Variants in ZNF763 observed in about 807,000 individuals in gnomAD.
ZNF763 encodes DNA-binding protein.
In ZNF763, 33 loss-of-function variants were observed where a neutral mutation model predicts 38.0. That is an observed-to-expected ratio of 0.87 (90% CI 0.66 to 1.16). The LOEUF is 1.16. ZNF763 is among the 50% of genes most tolerant of loss of function. The pLI is 0.00. For synonymous variants in ZNF763, 155 were observed against 160.1 expected (o/e 0.97, Z 0.24); for missense variants, 423 against 469.1 (o/e 0.90, Z 0.91).
Position 11,965,141 on chromosome 19 carries a change from CCT to C in ZNF763, c.-67_-66del. On this transcript the variant is annotated 5_prime_UTR_variant, in exon 1 of 4. Transcript: ENST00000358987. ...TACCCAGGTTTCTATCGCTCTGTCTCCTGCGCTGTGCCCTTCTGTAGTCACAG... is the reference window on the plus strand; with the variant it reads ...TACCCAGGTTTCTATCGCTCTGTCTCGCGCTGTGCCCTTCTGTAGTCACAG... 1 of 1,610,664 alleles carries C rather than the reference CCT, an allele frequency of 6.2e-7. No individual in the cohort carries two copies. The highest frequency in any genetic ancestry group is 8.5e-7 in the Non-Finnish European group (1 of 1,177,072).
intron 1 of ZNF763, among the ~76,000 whole-genome samples, chr19:11,971,294 G>T (rs1973346127): frequency 6.6e-6 from 1 of 152,142 alleles, no homozygotes; most frequent in South Asian, 2.1e-4. Context: ...TGGCTGTCCT[G>T]TGTCTTCCTA....
chr19:11,978,416 G>C lies in ZNF763; in HGVS notation c.492G>C (p.Arg164Ser). 6.2e-7 allele frequency: 1 copy of C among 1,614,150 alleles called. No individual in the cohort carries two copies. Among genetic ancestry groups the C allele is most frequent in the Non-Finnish European group, 8.5e-7 (1 of 1,180,014 alleles). ...ACCCCTCCTTTAGAACACAAGAAAG[G>C]AATCACACCGGAGAGAAACCCTATG... ...RYHPSFRTQE[R>S]NHTGEKPYAC... Residue 164 changes from arginine to serine, a missense_variant, in exon 4 of 4, where the codon AGG (arginine) becomes AGC (serine). Transcript: ENST00000358987.
Position 11,978,207 on chromosome 19 carries a change from C to G in ZNF763, c.283C>G (p.Gln95Glu), listed in dbSNP as rs1212335030. 1.2e-6 allele frequency: 2 copies of G among 1,613,720 alleles called. No individual in the cohort carries two copies. Among genetic ancestry groups the G allele is most frequent in the Non-Finnish European group, 1.7e-6 (2 of 1,179,942 alleles). ...TQVPDDRLNF[Q>E]EKKASPEAKS... is the part of the protein sequence containing the mutation. ...GGTTCCAGATGACAGGCTGAACTTC[C>G]AGGAGAAGAAAGCTTCTCCTGAAGC... The change falls in exon 4 of 4, where the codon CAG becomes GAG. Residue 95 changes from glutamine (Q) to glutamate (E), a missense_variant. Transcript: ENST00000358987.
Position 11,978,498 on chromosome 19 carries a change from G to C in ZNF763, c.574G>C (p.Val192Leu). ...ISHSGIRRRMVMHSGDGPYKC... is the reference protein window; with the variant it reads ...ISHSGIRRRMLMHSGDGPYKC... ...CCATTCAGGCATTCGAAGACGCATG[G>C]TAATGCACAGTGGGGATGGACCTTA... The change falls in exon 4 of 4, where the codon GTA becomes CTA. Residue 192 changes from valine to leucine, a missense_variant. Coordinates refer to ENST00000358987, the MANE Select transcript of ZNF763 (RefSeq NM_001367172.2). The C allele has an allele frequency of 6.2e-7, 1 of 1,614,196 alleles. No individual in the cohort carries two copies. Among genetic ancestry groups the C allele is most frequent in the Non-Finnish European group, 8.5e-7 (1 of 1,180,024 alleles).
intron 1 of ZNF763, among the ~76,000 whole-genome samples, chr19:11,972,062 CAA>C (rs541531526): frequency 2.8e-4 from 31 of 111,848 alleles, no homozygotes; most frequent in East Asian, 2.5e-4. Flanking sequence ...AACTTTGTCT[CAA>C]AAAAAAAAAA....
chr19:11,980,147 A>T lies in ZNF763; in HGVS notation c.*1038A>T. 1 of 728,628 alleles carries T rather than the reference A, an allele frequency of 1.4e-6. No individual in the cohort carries two copies. The highest frequency in any genetic ancestry group is 2.2e-6 in the Non-Finnish European group (1 of 448,068). 45.1% of individuals were successfully genotyped at this position (728,628 alleles called of 1,614,324 possible). Reference sequence around the variant, plus strand: ...TAGGACTCACACTGGATAGAAACCAAAGCAGGTGAATCACCTGAGGTCAGG... The same window carrying T: ...TAGGACTCACACTGGATAGAAACCATAGCAGGTGAATCACCTGAGGTCAGG... On this transcript the variant is annotated 3_prime_UTR_variant, in exon 4 of 4. Coordinates refer to ENST00000358987, the MANE Select transcript of ZNF763 (RefSeq NM_001367172.2).
chr19:11,976,417 A>C (rs1439208818), intron 1 of ZNF763, among the ~76,000 whole-genome samples: 1 of 151,888 alleles, frequency 6.6e-6, no homozygotes, highest in Non-Finnish European at 1.5e-5. Flanking sequence ...CCAGCCGAGC[A>C]TGGTGGCACA....
intron 1 of ZNF763, among the ~76,000 whole-genome samples, chr19:11,975,434 G>C (rs1371255531): frequency 6.7e-6 from 1 of 148,320 alleles, no homozygotes; most frequent in Admixed American, 6.8e-5. Flanking sequence ...GTCTTGCTCT[G>C]TCGCCCAGGC....
At chr19:11,967,406 C>T (rs564370271) in intron 1 of ZNF763, among the ~76,000 whole-genome samples, 66 of 152,182 alleles carry the variant, frequency 4.3e-4, no homozygotes, top group African/African-American at 1.5e-3. Context: ...GACCCTGTCT[C>T]TATTTTGTTT....
rs1227931940 is a variant in ZNF763, at chr19:11,979,613, G to A, written c.*504G>A. On this transcript the variant is annotated 3_prime_UTR_variant, in exon 4 of 4. Coordinates refer to ENST00000358987, the MANE Select transcript of ZNF763 (RefSeq NM_001367172.2). Reference sequence around the variant, plus strand: ...TTGGTACCATGAAAGGACTCACACTGGAGAGAAACCCTATGAGTGTAAGCA... The same window carrying A: ...TTGGTACCATGAAAGGACTCACACTAGAGAGAAACCCTATGAGTGTAAGCA... 1.5e-5 allele frequency: 24 copies of A among 1,605,684 alleles called. No homozygotes were observed. Among genetic ancestry groups the A allele is most frequent in the Non-Finnish European group, 2.0e-5 (24 of 1,173,900 alleles).
chr19:11,979,024 C>T lies in ZNF763; in HGVS notation c.1100C>T (p.Pro367Leu), dbSNP rs1455995533. Reference sequence around the variant, plus strand: ...GAAAGGACCCACTCTGCGAAAAAACCTTATGAATGTAAGCAGTGTGGGAAA... The same window carrying T: ...GAAAGGACCCACTCTGCGAAAAAACTTTATGAATGTAAGCAGTGTGGGAAA... ...RHERTHSAKK[P>L]YECKQCGKAL... The change falls in exon 4 of 4, where the codon CCT (proline) becomes CTT (leucine). Residue 367 changes from proline to leucine, a missense_variant. Physicochemically the swap from Pro to Leu is moderately conservative, Grantham distance 98 (BLOSUM62 -3). Coordinates refer to ENST00000358987, the MANE Select transcript of ZNF763 (RefSeq NM_001367172.2). 11 of 1,614,058 alleles carry T rather than the reference C, an allele frequency of 6.8e-6. No individual in the cohort carries two copies. Among genetic ancestry groups the T allele is most frequent in the Non-Finnish European group, 9.3e-6 (11 of 1,180,022 alleles).
intron 1 of ZNF763, among the ~76,000 whole-genome samples, chr19:11,967,814 T>C (rs747034377): frequency 6.1e-4 from 93 of 152,264 alleles, no homozygotes; most frequent in Non-Finnish European, 1.2e-3. Flanking sequence ...GTTTTTGTTA[T>C]GTAGGGGTCT....
rs566637717 is a variant in ZNF763, at chr19:11,971,397, T to TG, written c.4-5635dup. 1.6e-4 allele frequency among the ~76,000 whole-genome samples: 24 copies of TG among 152,280 alleles called. No individual in the cohort carries two copies. The East Asian group carries it at 2.5e-3, about 16-fold the overall frequency. ...GAGATGTCAACTTCTAATACTATAG[T>TG]GGGGGGTAGGTTATTAATGTGTGAT... On this transcript the variant is annotated intron_variant, in intron 1 of 3. Coordinates refer to ENST00000358987, the MANE Select transcript of ZNF763 (RefSeq NM_001367172.2).
intron 3 of ZNF763, 73 bp downstream of exon 3, chr19:11,977,504 A>G: frequency 6.5e-7 from 1 of 1,543,884 alleles, no homozygotes; most frequent in Non-Finnish European, 8.8e-7. Flanking sequence ...AAGAGAAGTA[A>G]AACAAAGAAC....
chr19:11,966,699 G>GT (rs1301113640), intron 1 of ZNF763, among the ~76,000 whole-genome samples: 9 of 152,128 alleles, frequency 5.9e-5, no homozygotes, highest in Non-Finnish European at 1.3e-4. Flanking sequence ...AAGTTTGCAG[G>GT]TTGAAGACTG....
rs778721083 is a variant in ZNF763, at chr19:11,979,675, A to G, written c.*566A>G. ...CCTTCAGATCTGCCTCAATCCTTCA[A>G]ATGCATGCTGGGACTCACCCTGAAG... On this transcript the variant is annotated 3_prime_UTR_variant, in exon 4 of 4. Coordinates refer to ENST00000358987, the MANE Select transcript of ZNF763 (RefSeq NM_001367172.2). 399 of 1,601,362 alleles carry G rather than the reference A, an allele frequency of 2.5e-4. 1 individual carries two copies. The highest frequency in any genetic ancestry group is 3.3e-4 in the Middle Eastern group (2 of 6,028).
In ZNF763 at chr19:11,979,104, T is replaced by A; in HGVS notation, c.1180T>A (p.Leu394Ile). ...TPKNALWRKT[L>I] ...TAAGAATGCGCTCTGGAGAAAGACC[T>A]TATAAATGTTAGATATGTGGGAAAG... Residue 394 changes from leucine to isoleucine, a missense_variant, in exon 4 of 4, where the codon TTA (leucine) becomes ATA (isoleucine). Transcript: ENST00000358987. 1 of 1,613,702 alleles carries A rather than the reference T, an allele frequency of 6.2e-7. No homozygotes were observed. The highest frequency in any genetic ancestry group is 8.5e-7 in the Non-Finnish European group (1 of 1,179,930).
chr19:11,969,374 G>A (rs1463436671), intron 1 of ZNF763, among the ~76,000 whole-genome samples: 1 of 152,158 alleles, frequency 6.6e-6, no homozygotes, highest in Non-Finnish European at 1.5e-5. Context: ...CAAAGTGGTG[G>A]GATTACAGGT....
At chr19:11,972,042 A>T (rs1471503411) in intron 1 of ZNF763, among the ~76,000 whole-genome samples, 1 of 152,056 alleles carries the variant, frequency 6.6e-6, no homozygotes, top group Admixed American at 6.6e-5. Context: ...AGCCCAGGCA[A>T]CAAGAGCAAA....
Sources: gnomAD v4.1 joint callset for allele counts (sites outside exome capture counted in the v4.1 genomes callset) on GRCh38, gnomAD v4.1.1 for gene constraint, MANE v1.5 for transcripts, NCBI Gene and HGNC (gene_info 2026-07-23, HGNC 2026-07-21) for gene names.